The following DENND2D variants were observed in gnomAD, a reference collection of about 807,000 sequenced individuals.
The protein encoded by DENND2D is DENN domain containing 2D.
A neutral mutation model predicts 59.8 loss-of-function variants in DENND2D; 37 were observed. The ratio of observed to expected loss-of-function variants is 0.62; its 90% CI spans 0.48 to 0.81. The LOEUF is 0.81. DENND2D is among the 40% of genes least tolerant of loss of function. The pLI, the probability that DENND2D is intolerant of heterozygous loss-of-function variation, is 0.00. For synonymous variants in DENND2D, 219 were observed against 211.3 expected, an observed-to-expected ratio of 1.04 and a Z score of -0.31; for missense variants, 525 against 579.7, an observed-to-expected ratio of 0.91 and a Z score of 0.97.
chr1:111,203,046 AAG>A (rs919314409), upstream of DENND2D, among the ~76,000 whole-genome samples: 1 of 152,156 alleles, frequency 6.6e-6, no homozygotes, highest in African/African-American at 2.4e-5. Context: ...CTCTCCAGAG[AAG>A]AGAGAATGTC....
intron 8 of DENND2D, among the ~76,000 whole-genome samples, chr1:111,191,487 A>C (rs1386651779): frequency 2.6e-5 from 4 of 152,142 alleles, no homozygotes; most frequent in Admixed American, 6.5e-5. Context: ...GTTTTGAGTT[A>C]TTTTTCCAAC....
chr1:111,204,398 C>T, upstream of DENND2D: 1 of 1,355,254 alleles, frequency 7.4e-7, no homozygotes, highest in Non-Finnish European at 9.4e-7. Flanking sequence ...CGCGCTGGCC[C>T]CGCCCCCCTA....
chr1:111,188,737 A>G lies in DENND2D; in HGVS notation c.1064T>C (p.Leu355Ser), dbSNP rs1437793061. 6.2e-7 allele frequency: 1 copy of G among 1,614,158 alleles called. No individual in the cohort carries two copies. The highest frequency in any genetic ancestry group is 8.5e-7 in the Non-Finnish European group (1 of 1,180,012). ...ILPPKLQDDI[L>S]DSLGQGINEL... ...ATTGATCCCCTGACCAAGAGAGTCT[A>G]AGATGTCATCCTGAAGCTTCGGTGG... The change falls in exon 10 of 12, where the codon TTA (leucine) becomes TCA (serine). Residue 355 changes from leucine to serine, a missense_variant. Physicochemically the swap from Leu to Ser is moderately radical, Grantham distance 145 (BLOSUM62 -2). Transcript: ENST00000357640.
chr1:111,203,422 A>C (rs1201742339), upstream of DENND2D, among the ~76,000 whole-genome samples: 29 of 152,214 alleles, frequency 1.9e-4, no homozygotes, highest in Non-Finnish European at 1.5e-5. Flanking sequence ...AGACAGTAGG[A>C]CCTCTGGGCA....
At chr1:111,188,625 T>C in intron 10 of DENND2D, 77 bp downstream of exon 10, 4 of 1,386,978 alleles carry the variant, frequency 2.9e-6, no homozygotes, top group Non-Finnish European at 4.1e-6. Context: ...TGAGTTCATT[T>C]TAGTTCTGGA....
chr1:111,188,234 A>T lies in DENND2D; in HGVS notation c.1236T>A (p.Ala412=). Residue 412 remains alanine (A), a synonymous_variant, in exon 11 of 12, where the codon GCT becomes GCA. Transcript: ENST00000357640. ...GHFQERSFCK[A]LTSKTNRRFV... is the part of the protein sequence containing the mutation. ...ATCGGCGGTTGGTCTTGGAGGTCAG[A>T]GCCTTACAGAAGGATCTTTCTTGGA... 6.2e-7 allele frequency: 1 copy of T among 1,614,168 alleles called. No individual in the cohort carries two copies. The highest frequency in any genetic ancestry group is 1.6e-4 in the Middle Eastern group (1 of 6,062).
chr1:111,188,843 T>C (rs1247639291), intron 9 of DENND2D, 57 bp from the exon 10 acceptor site: 2 of 1,502,360 alleles, frequency 1.3e-6, no homozygotes, highest in African/African-American at 2.8e-5. Flanking sequence ...GTGAAGGTGG[T>C]TGGCAGAAAA....
chr1:111,198,815 G>A, intron 2 of DENND2D, 73 bp from the exon 3 acceptor site: 5 of 1,518,218 alleles, frequency 3.3e-6, no homozygotes, highest in Non-Finnish European at 4.5e-6. Flanking sequence ...TTCAGAGCTG[G>A]TGGGCTTCCT....
intron 3 of DENND2D, 60 bp downstream of exon 3, chr1:111,198,570 G>T (rs981135696): frequency 1.3e-6 from 2 of 1,525,550 alleles, no homozygotes; most frequent in African/African-American, 1.4e-5. Flanking sequence ...AGGAGCCACA[G>T]AACTCACACA....
intron 6 of DENND2D, chr1:111,195,306 C>G (rs1460012850): frequency 6.4e-6 from 1 of 155,262 alleles, no homozygotes; most frequent in Admixed American, 6.3e-5. Context: ...GCTTGGCACA[C>G]AGCAAGCATT....
rs889946610 is a variant in DENND2D, at chr1:111,197,528, TAAG to T, written c.427-278_427-276del. ...TGTGCCTTAGAGATGAAGAAATGGCTAAGGAGGAAAGCACTGTAAAGGTGACTT... is the reference window on the plus strand; with the variant it reads ...TGTGCCTTAGAGATGAAGAAATGGCTGAGGAAAGCACTGTAAAGGTGACTT... On this transcript the variant is annotated intron_variant, in intron 4 of 11. Coordinates refer to ENST00000357640, the MANE Select transcript of DENND2D (RefSeq NM_024901.5). 6 of 1,387,304 alleles carry T rather than the reference TAAG, an allele frequency of 4.3e-6. No homozygotes were observed. The African/African-American group carries it at 5.8e-5, about 13-fold the overall frequency. 85.9% of individuals were successfully genotyped at this position (1,387,304 alleles called of 1,614,324 possible). A position where few individuals can be genotyped will look rare whatever the true frequency, so the allele number is the denominator to read the frequency against.
At chr1:111,204,449 G>T (rs915276679), upstream of DENND2D, 20 of 1,235,416 alleles carry the variant, frequency 1.6e-5, no homozygotes, top group African/African-American at 1.6e-4. Flanking sequence ...CTTTCACGCG[G>T]GGGGAGGCCT....
intron 7 of DENND2D, among the ~76,000 whole-genome samples, chr1:111,192,865 C>G (rs1202702527): frequency 6.6e-6 from 1 of 152,328 alleles, no homozygotes; most frequent in South Asian, 2.1e-4. Context: ...ACACAGCCCC[C>G]TCTGGGCACA....
chr1:111,191,699 G>A (rs191912789), intron 8 of DENND2D, among the ~76,000 whole-genome samples: 13 of 152,328 alleles, frequency 8.5e-5, no homozygotes, highest in African/African-American at 2.9e-4. Context: ...GTTTGCCAGA[G>A]GGCCATGTTA....
upstream of DENND2D, chr1:111,204,077 A>G (rs1571210331): frequency 8.1e-5 from 6 of 74,302 alleles, no homozygotes; most frequent in Admixed American, 5.7e-4. Context: ...TCGCCCCCTC[A>G]GGCCTGGCCT....
At chr1:111,196,399 T>TG (rs1658229711) in intron 5 of DENND2D, 1 of 188,958 alleles carries the variant, frequency 5.3e-6, no homozygotes, top group Non-Finnish European at 1.1e-5. Context: ...GATGGTACCA[T>TG]GTCCACTCAT....
rs1211139812 is a variant in DENND2D, at chr1:111,186,611, C to A, written c.*994G>T. Reference sequence around the variant, plus strand: ...AGTAGAGGTATCAAGGGAGGAGAGACTAGGTGACCACTAAACTCCTTCAGA... The same window carrying A: ...AGTAGAGGTATCAAGGGAGGAGAGAATAGGTGACCACTAAACTCCTTCAGA... On this transcript the variant is annotated 3_prime_UTR_variant, in exon 12 of 12. Transcript: ENST00000357640. 6.6e-6 allele frequency among the ~76,000 whole-genome samples: 1 copy of A among 152,184 alleles called. No homozygotes were observed. The highest frequency in any genetic ancestry group is 1.9e-4 in the East Asian group (1 of 5,202).
chr1:111,194,806 C>T (rs1479657509), intron 6 of DENND2D, 80 bp from the exon 7 acceptor site: 6 of 1,494,168 alleles, frequency 4.0e-6, no homozygotes, highest in East Asian at 2.3e-5. Context: ...CCTCTACCAG[C>T]CTCTATTCCT....
chr1:111,203,409 C>T (rs756649451), upstream of DENND2D, among the ~76,000 whole-genome samples: 1 of 152,246 alleles, frequency 6.6e-6, no homozygotes, highest in Non-Finnish European at 1.5e-5. Flanking sequence ...CTCTTTGCTC[C>T]TCAGACAGTA....
Sources: gnomAD v4.1 joint callset for allele counts (sites outside exome capture counted in the v4.1 genomes callset) on GRCh38, gnomAD v4.1.1 for gene constraint, MANE v1.5 for transcripts, NCBI Gene and HGNC (gene_info 2026-07-23, HGNC 2026-07-21) for gene names.